ZNF407: variants seen among roughly 807,000 people sequenced by gnomAD.
The protein encoded by ZNF407 is zinc finger protein 407.
Under a neutral mutation model 131.2 loss-of-function variants are expected in ZNF407, and 17 were observed. The observed-to-expected ratio is 0.13, with a 90% CI of 0.09 to 0.19. The LOEUF (loss-of-function observed/expected upper bound fraction) is 0.19. Among genes scored for constraint, ZNF407 ranks in the 10% least tolerant of loss-of-function variants. ZNF407 has a pLI of 1.00. For synonymous variants in ZNF407, 1,156 were observed against 1,062.0 expected (o/e 1.09, Z -1.72); for missense variants, 2,681 against 2,830.6 (o/e 0.95, Z 1.20).
intron 3 of ZNF407, among the ~76,000 whole-genome samples, chr18:74,705,973 C>T (rs1967615054): frequency 6.6e-6 from 1 of 152,096 alleles, no homozygotes; most frequent in African/African-American, 2.4e-5. Context: ...TTCTGTTTTC[C>T]TTTTTCAACT....
chr18:74,696,483 A>T (rs996769099), intron 3 of ZNF407, among the ~76,000 whole-genome samples: 2 of 152,278 alleles, frequency 1.3e-5, no homozygotes, highest in Non-Finnish European at 2.9e-5. Flanking sequence ...GGAAATTTAG[A>T]TGCAAAGCTG....
intron 8 of ZNF407, chr18:74,921,143 C>A: frequency 4.1e-6 from 2 of 493,186 alleles, no homozygotes; most frequent in Non-Finnish European, 5.3e-6. Flanking sequence ...CGGAGTCAAG[C>A]GTAGTGGGTG....
chr18:74,739,858 T>C (rs929099781), intron 3 of ZNF407, among the ~76,000 whole-genome samples: 1 of 152,172 alleles, frequency 6.6e-6, no homozygotes, highest in Non-Finnish European at 1.5e-5. Context: ...AAGTAAAAAA[T>C]ATATGCCCAG....
intron 1 of ZNF407, among the ~76,000 whole-genome samples, chr18:74,609,036 C>T (rs573888636): frequency 3.3e-5 from 5 of 152,018 alleles, no homozygotes; most frequent in African/African-American, 7.2e-5. Context: ...TTGACTTTAA[C>T]TGTGGGGTAT....
At chr18:74,948,676 G>A (rs1372410964) in intron 8 of ZNF407, among the ~76,000 whole-genome samples, 1 of 152,058 alleles carries the variant, frequency 6.6e-6, no homozygotes, top group Non-Finnish European at 1.5e-5. Flanking sequence ...TCAATCCTAA[G>A]GAAAGATCAA....
intron 5 of ZNF407, 36 bp downstream of exon 5, chr18:74,877,399 G>A: frequency 1.9e-6 from 3 of 1,603,726 alleles, no homozygotes; most frequent in Non-Finnish European, 2.6e-6. Context: ...AGGAGGCTGG[G>A]CAGAGGTAGA....
chr18:74,601,595 G>A (rs916255272), intron 1 of ZNF407, among the ~76,000 whole-genome samples: 1 of 152,136 alleles, frequency 6.6e-6, no homozygotes, highest in Non-Finnish European at 1.5e-5. Context: ...GAAGCCTCAG[G>A]AAGCTCTCCA....
At chr18:74,624,538 G>A (rs891280794) in intron 1 of ZNF407, among the ~76,000 whole-genome samples, 1 of 152,152 alleles carries the variant, frequency 6.6e-6, no homozygotes. Context: ...CCTTTAGATT[G>A]TCTCTGCCTT....
chr18:74,855,586 T>G (rs2145152400), intron 4 of ZNF407, among the ~76,000 whole-genome samples: 1 of 152,332 alleles, frequency 6.6e-6, no homozygotes, highest in Admixed American at 6.5e-5. Context: ...ACAATATGAA[T>G]AAAATGTTCT....
chr18:74,750,139 TCTC>T (rs1968765777), intron 3 of ZNF407, among the ~76,000 whole-genome samples: 1 of 152,176 alleles, frequency 6.6e-6, no homozygotes, highest in Admixed American at 6.6e-5. Context: ...ATATCATCCT[TCTC>T]ATGGAAATCC....
At chr18:74,790,288 A>G (rs181808087) in intron 4 of ZNF407, among the ~76,000 whole-genome samples, 13 of 152,330 alleles carry the variant, frequency 8.5e-5, no homozygotes, top group African/African-American at 2.9e-4. Context: ...TGCCTCTTAT[A>G]TAGAAATAAG....
At chr18:74,885,220 A>G (rs1274143123) in intron 6 of ZNF407, among the ~76,000 whole-genome samples, 1 of 152,198 alleles carries the variant, frequency 6.6e-6, no homozygotes, top group Non-Finnish European at 1.5e-5. Context: ...GGAACAGAAT[A>G]GCATCCAGAA....
At chr18:75,015,592 A>G (rs987592744) in intron 8 of ZNF407, among the ~76,000 whole-genome samples, 1 of 148,536 alleles carries the variant, frequency 6.7e-6, no homozygotes, top group Non-Finnish European at 1.5e-5. Flanking sequence ...ATATATATAT[A>G]TATATTTCAC....
At chr18:74,883,045 G>C (rs951342677) in intron 6 of ZNF407, among the ~76,000 whole-genome samples, 1 of 152,218 alleles carries the variant, frequency 6.6e-6, no homozygotes. Flanking sequence ...GGGCATCCCA[G>C]TGATAGATCG....
rs1434634156 is a variant in ZNF407, at chr18:74,634,916, A to G, written c.3897A>G (p.Glu1299=). ...TGGAAGACTTGAAAGGTGTCCAAGA[A>G]GATCCCGTTCTGGGGAATAAGGAAA... The part of the protein sequence containing the change: ...HGLEDLKGVQ[E]DPVLGNKEIL... Residue 1299 remains glutamate, a synonymous_variant, in exon 2 of 9, where the codon GAA becomes GAG. Coordinates refer to ENST00000299687, the MANE Select transcript of ZNF407 (RefSeq NM_017757.3). 6.2e-7 allele frequency: 1 copy of G among 1,613,916 alleles called. No individual in the cohort carries two copies. Among genetic ancestry groups the G allele is most frequent in the Non-Finnish European group, 8.5e-7 (1 of 1,179,834 alleles).
At chr18:74,925,669 C>T (rs1971904271) in intron 8 of ZNF407, among the ~76,000 whole-genome samples, 1 of 152,188 alleles carries the variant, frequency 6.6e-6, no homozygotes, top group African/African-American at 2.4e-5. Flanking sequence ...CATGTCATGA[C>T]ATTTTGTACA....
intron 8 of ZNF407, among the ~76,000 whole-genome samples, chr18:74,958,481 G>A (rs943571525): frequency 1.3e-5 from 2 of 152,012 alleles, no homozygotes; most frequent in African/African-American, 4.8e-5. Flanking sequence ...ATACACACCT[G>A]AGCTGCATTG....
intron 3 of ZNF407, among the ~76,000 whole-genome samples, chr18:74,767,283 T>G (rs1222584959): frequency 6.6e-6 from 1 of 152,194 alleles, no homozygotes; most frequent in Non-Finnish European, 1.5e-5. Context: ...TTATTACAAA[T>G]TGTTATAGGA....
intron 8 of ZNF407, among the ~76,000 whole-genome samples, chr18:74,987,241 C>A (rs1008890314): frequency 1.3e-5 from 2 of 151,744 alleles, no homozygotes; most frequent in Non-Finnish European, 2.9e-5. Context: ...AGCTTTTAAT[C>A]CATACATAGA....
Sources: allele counts gnomAD v4.1 joint callset (sites outside exome capture counted in the v4.1 genomes callset), GRCh38; gene constraint gnomAD v4.1.1; transcripts MANE v1.5; gene names NCBI Gene and HGNC (gene_info 2026-07-23, HGNC 2026-07-21).